Variants in TMX4 observed in about 807,000 individuals in gnomAD.
The protein encoded by TMX4 is thioredoxin-related transmembrane protein 4.
A neutral mutation model predicts 33.3 loss-of-function variants in TMX4; 23 were observed. The observed-to-expected ratio is 0.69, with a 90% CI of 0.50 to 0.98. TMX4 has a LOEUF of 0.98. TMX4 is among the 50% of genes least tolerant of loss of function. TMX4 has a pLI of 0.00. For missense variants in TMX4, 399 were observed against 448.9 expected (o/e 0.89, Z 1.01); for synonymous variants, 164 against 161.5 (o/e 1.02, Z -0.12).
At chr20:8,017,116 AAGG>A (rs3840073) in intron 1 of TMX4, among the ~76,000 whole-genome samples, 11,836 of 152,126 alleles carry the variant, frequency 0.078, 1,046 homozygotes, top group East Asian at 0.53. Context: ...TTTTCACAGC[AAGG>A]AGGAGGAGTA....
rs1442581907 is a variant in TMX4, at chr20:7,979,222, TTA to T, written c.*3027_*3028del. The T allele has an allele frequency of 1.3e-5, 2 of 152,184 alleles. No individual in the cohort carries two copies. The highest frequency in any genetic ancestry group is 2.9e-5 in the Non-Finnish European group (2 of 68,024). 9.4% of individuals were successfully genotyped at this position (152,184 alleles called of 1,614,324 possible). On this transcript the variant is annotated 3_prime_UTR_variant, in exon 8 of 8. Transcript: ENST00000246024. ...ATTATTTCAGGTTGGCTTTTCTCCT[TTA>T]GTTTTATATTCATTAAGTATTGAAA...
chr20:8,009,203 T>C (rs1340287884), intron 2 of TMX4, among the ~76,000 whole-genome samples: 1 of 152,184 alleles, frequency 6.6e-6, no homozygotes, highest in Admixed American at 6.5e-5. Context: ...TTATATATAA[T>C]ATACAGTTGT....
chr20:8,010,339 T>C, intron 1 of TMX4, 24 bp from the exon 2 acceptor site: 1 of 1,469,784 alleles, frequency 6.8e-7, no homozygotes, highest in Non-Finnish European at 9.3e-7. Flanking sequence ...ATAAGAATTA[T>C]ATTGATAAAT....
chr20:8,004,233 G>A (rs886671039), intron 2 of TMX4, among the ~76,000 whole-genome samples: 3 of 151,934 alleles, frequency 2.0e-5, no homozygotes, highest in African/African-American at 4.8e-5. Flanking sequence ...ATTCTATGAC[G>A]TGTCCAGGAA....
chr20:8,019,669 C>T lies in TMX4; in HGVS notation c.-56G>A. 5 of 1,264,330 alleles carry T rather than the reference C, an allele frequency of 4.0e-6. No homozygotes were observed. Among genetic ancestry groups the T allele is most frequent in the Non-Finnish European group, 5.0e-6 (5 of 1,000,162 alleles). 78.3% of individuals were successfully genotyped at this position (1,264,330 alleles called of 1,614,324 possible). A position where few individuals can be genotyped will look rare whatever the true frequency, so the allele number is the denominator to read the frequency against. ...GAGTGTGGGGAAGGGCAGCGGCCGG[C>T]CCGCAGCCTCGCTCGCCCGCCGGGT... On this transcript the variant is annotated 5_prime_UTR_variant, in exon 1 of 8. Transcript: ENST00000246024.
chr20:7,979,067 A>T lies in TMX4; in HGVS notation c.*3184T>A, dbSNP rs2122845151. On this transcript the variant is annotated 3_prime_UTR_variant, in exon 8 of 8. Transcript: ENST00000246024. Reference sequence around the variant, plus strand: ...TGATACTGCAATAGAGGGAAGCATGATTTTAATTTTTTTTTTTTTTAGATT... The same window carrying T: ...TGATACTGCAATAGAGGGAAGCATGTTTTTAATTTTTTTTTTTTTTAGATT... The T allele has an allele frequency of 6.6e-6, 1 of 151,964 alleles. No homozygotes were observed. The highest frequency in any genetic ancestry group is 1.5e-5 in the Non-Finnish European group (1 of 67,966). The allele number at this position is 151,964 out of a possible 1,614,324, so 9.4% of individuals were successfully genotyped here. A position where few individuals can be genotyped will look rare whatever the true frequency, so the allele number is the denominator to read the frequency against.
At chr20:8,001,980 A>T (rs1749772148) in intron 2 of TMX4, among the ~76,000 whole-genome samples, 1 of 152,190 alleles carries the variant, frequency 6.6e-6, no homozygotes, top group South Asian at 2.1e-4. Context: ...ATAGTGAAGG[A>T]CTCAACAAAC....
At chr20:8,014,182 T>C (rs1002817315) in intron 1 of TMX4, among the ~76,000 whole-genome samples, 1 of 152,226 alleles carries the variant, frequency 6.6e-6, no homozygotes, top group Non-Finnish European at 1.5e-5. Context: ...ATGAAAATCA[T>C]GACACCTGCT....
intron 6 of TMX4, among the ~76,000 whole-genome samples, chr20:7,986,625 A>G (rs1416740078): frequency 6.6e-6 from 1 of 152,200 alleles, no homozygotes; most frequent in Non-Finnish European, 1.5e-5. Flanking sequence ...TTAGGTTAAG[A>G]GAAATAAAAA....
chr20:7,987,036 TA>T (rs1232529580), intron 6 of TMX4, among the ~76,000 whole-genome samples: 52 of 151,046 alleles, frequency 3.4e-4, no homozygotes, highest in African/African-American at 1.2e-3. Flanking sequence ...TTTTTTTTTT[TA>T]ATTACTGTCT....
At chr20:8,001,824 T>C (rs2050708844) in intron 2 of TMX4, among the ~76,000 whole-genome samples, 2 of 152,190 alleles carry the variant, frequency 1.3e-5, no homozygotes, top group South Asian at 4.1e-4. Context: ...GACTTACCCA[T>C]TTATTAACTT....
chr20:7,987,782 G>T (rs554962932), intron 5 of TMX4, among the ~76,000 whole-genome samples: 1 of 151,990 alleles, frequency 6.6e-6, no homozygotes, highest in African/African-American at 2.4e-5. Flanking sequence ...ACTAAATTAC[G>T]ACTTACAGAA....
In TMX4 at chr20:7,987,368, C is replaced by A. The variant is rs1365390222; in HGVS notation, c.535G>T (p.Val179Leu). 2 of 1,589,412 alleles carry A rather than the reference C, an allele frequency of 1.3e-6. No homozygotes were observed. The highest frequency in any genetic ancestry group is 1.9e-5 in the Admixed American group (1 of 52,426). Reference protein sequence around the residue: ...KIWHLHNYFTVTLGIPAWCSY... With the variant: ...KIWHLHNYFTLTLGIPAWCSY... ...CACCAAGCAGGAATTCCAAGAGTCACTGTGAAATAGTTGTGAAGATGCTGG... is the reference window on the plus strand; with the variant it reads ...CACCAAGCAGGAATTCCAAGAGTCAATGTGAAATAGTTGTGAAGATGCTGG... Residue 179 changes from valine to leucine, a missense_variant, in exon 6 of 8, where the codon GTG (valine) becomes TTG (leucine). Coordinates refer to ENST00000246024, the MANE Select transcript of TMX4 (RefSeq NM_021156.4).
intron 1 of TMX4, among the ~76,000 whole-genome samples, chr20:8,014,968 C>A (rs1207887611): frequency 6.6e-6 from 1 of 152,086 alleles, no homozygotes; most frequent in Non-Finnish European, 1.5e-5. Flanking sequence ...GCCTTGCTCC[C>A]CACTTACTAA....
At position 8,001,516 on chromosome 20, in the gene TMX4, G is replaced by A; in HGVS notation, c.318C>T (p.Thr106=). 1.2e-6 allele frequency: 2 copies of A among 1,600,276 alleles called. No homozygotes were observed. The highest frequency in any genetic ancestry group is 1.7e-6 in the Non-Finnish European group (2 of 1,171,636). ...EPGLSGRFFV[T]TLPAFFHAKD... ...CTTACTGAAAAAATGCTGGGAGAGT[G>A]GTGACAAAGAAGCGGCCACTCAAAC... is the stretch of plus-strand genomic sequence containing the variant. The change falls in exon 3 of 8, where the codon ACC becomes ACT. Residue 106 remains threonine (T), a synonymous_variant. Transcript: ENST00000246024.
Position 8,018,513 on chromosome 20 carries a change from AGAGAGAGAGAGAGAG to A in TMX4, c.176+910_176+924del. On this transcript the variant is annotated intron_variant, in intron 1 of 7. Coordinates refer to ENST00000246024, the MANE Select transcript of TMX4 (RefSeq NM_021156.4). ...GAGAGAGAGAGAGAGAGAGAGAGAG[AGAGAGAGAGAGAGAG>A]TCTGCAAGCCCACCATGATGGTCTC... 0.015 allele frequency among the ~76,000 whole-genome samples: 681 copies of A among 46,446 alleles called. 183 individuals are homozygous for A. In the African/African-American group the frequency reaches 0.16, roughly 11 times the overall value. The allele number at this position is 46,446 out of a possible 152,430, so 30.5% of individuals were successfully genotyped here. A position where few individuals can be genotyped will look rare whatever the true frequency, so the allele number is the denominator to read the frequency against.
chr20:8,006,379 C>G (rs535571615), intron 2 of TMX4, among the ~76,000 whole-genome samples: 56 of 152,314 alleles, frequency 3.7e-4, no homozygotes, highest in African/African-American at 1.3e-3. Context: ...TGTTTCCCCT[C>G]TTTAAATTTT....
At chr20:8,011,107 G>C (rs2050751126) in intron 1 of TMX4, among the ~76,000 whole-genome samples, 1 of 151,954 alleles carries the variant, frequency 6.6e-6, no homozygotes, top group African/African-American at 2.4e-5. Context: ...ATAAAGTCTT[G>C]AATAAATAGA....
chr20:8,006,224 T>C (rs1185061175), intron 2 of TMX4, among the ~76,000 whole-genome samples: 1 of 150,920 alleles, frequency 6.6e-6, no homozygotes, highest in East Asian at 1.9e-4. Context: ...GCACACCCTG[T>C]GAGGGAAGAA....
Sources: gnomAD v4.1 joint callset for allele counts (sites outside exome capture counted in the v4.1 genomes callset) on GRCh38, gnomAD v4.1.1 for gene constraint, MANE v1.5 for transcripts, NCBI Gene and HGNC (gene_info 2026-07-23, HGNC 2026-07-21) for gene names.